The following STXBP5L variants were observed in gnomAD, a reference collection of about 807,000 sequenced individuals.
STXBP5L encodes the protein syntaxin-binding protein 5-like.
Under a neutral mutation model 144.5 loss-of-function variants are expected in STXBP5L, and 65 were observed. The observed-to-expected ratio is 0.45, with a 90% CI of 0.37 to 0.55. The LOEUF is 0.55. Among genes scored for constraint, STXBP5L ranks in the 20% least tolerant of loss-of-function variants. The probability of loss-of-function intolerance (pLI) is 0.00; values close to 1 mark genes in which losing one functional copy is unlikely to be tolerated. For synonymous variants in STXBP5L, 505 were observed against 469.6 expected (o/e 1.08, Z -0.97); for missense variants, 1,298 against 1,405.5 (o/e 0.92, Z 1.22).
intron 20 of STXBP5L, among the ~76,000 whole-genome samples, chr3:121,330,174 G>T (rs2044278313): frequency 6.6e-6 from 1 of 152,094 alleles, no homozygotes; most frequent in Non-Finnish European, 1.5e-5. Context: ...ATGGCATAGG[G>T]CATAAGCCTT....
Position 121,005,324 on chromosome 3 carries a change from C to G in STXBP5L, c.288-36376C>G, listed in dbSNP as rs555768595. On this transcript the variant is annotated intron_variant, in intron 3 of 26. Transcript: ENST00000471454. ...AATTTATCCATTTCTTCTAGATTTT[C>G]TAGTTTATTTGCATAGTGGTGTTTA... Among the ~76,000 whole-genome samples, 5 of 152,246 alleles carry G rather than the reference C, an allele frequency of 3.3e-5. No individual in the cohort carries two copies. In the East Asian group the frequency reaches 9.6e-4, roughly 29 times the overall value.
At chr3:121,334,388 C>A (rs993907783) in intron 20 of STXBP5L, among the ~76,000 whole-genome samples, 5 of 152,018 alleles carry the variant, frequency 3.3e-5, no homozygotes, top group Admixed American at 6.6e-5. Flanking sequence ...CTCTCCAACT[C>A]ATTTTTTGAG....
intron 20 of STXBP5L, among the ~76,000 whole-genome samples, chr3:121,361,871 G>T (rs944072694): frequency 1.3e-5 from 2 of 152,042 alleles, no homozygotes; most frequent in African/African-American, 2.4e-5. Context: ...TTTGGTGTGT[G>T]GGCATTGAAG....
intron 18 of STXBP5L, among the ~76,000 whole-genome samples, chr3:121,260,504 C>T (rs1321324384): frequency 6.6e-6 from 1 of 151,638 alleles, no homozygotes; most frequent in Non-Finnish European, 1.5e-5. Flanking sequence ...TTAATAAAAA[C>T]AAAAAAATTA....
At chr3:121,069,348 G>A (rs1053170918) in intron 5 of STXBP5L, among the ~76,000 whole-genome samples, 1 of 152,166 alleles carries the variant, frequency 6.6e-6, no homozygotes, top group Non-Finnish European at 1.5e-5. Flanking sequence ...TTCTTGAGTA[G>A]TATTTTACAG....
intron 3 of STXBP5L, among the ~76,000 whole-genome samples, chr3:120,981,526 T>G (rs1390493168): frequency 6.6e-6 from 1 of 152,162 alleles, no homozygotes; most frequent in Non-Finnish European, 1.5e-5. Context: ...TTTTTAGTTC[T>G]AGAAGTTCTT....
intron 9 of STXBP5L, among the ~76,000 whole-genome samples, chr3:121,177,014 C>A (rs2046963195): frequency 6.6e-6 from 1 of 151,870 alleles, no homozygotes. Context: ...ATTGGTAACT[C>A]ATTTTTTAGG....
At chr3:121,364,235 G>C (rs536645400) in intron 20 of STXBP5L, among the ~76,000 whole-genome samples, 67 of 152,218 alleles carry the variant, frequency 4.4e-4, no homozygotes, top group African/African-American at 1.5e-3. Flanking sequence ...AATGGGCTCA[G>C]TATCCTTGTC....
intron 19 of STXBP5L, among the ~76,000 whole-genome samples, chr3:121,290,611 G>A (rs900918178): frequency 6.6e-6 from 1 of 151,858 alleles, no homozygotes; most frequent in Admixed American, 6.6e-5. Flanking sequence ...CAAAAAAGAA[G>A]ACTACAGACT....
chr3:121,093,982 C>T (rs1488307546), intron 5 of STXBP5L, among the ~76,000 whole-genome samples: 4 of 152,116 alleles, frequency 2.6e-5, no homozygotes, highest in South Asian at 2.1e-4. Flanking sequence ...TCTTTGTTCT[C>T]GTTGGTTTCA....
chr3:121,005,452 A>G (rs955002792), intron 3 of STXBP5L, among the ~76,000 whole-genome samples: 3 of 151,756 alleles, frequency 2.0e-5, no homozygotes, highest in Admixed American at 2.0e-4. Flanking sequence ...TTTCTTCTTT[A>G]TTAGTCATGC....
chr3:121,085,817 C>T (rs1035052310), intron 5 of STXBP5L, among the ~76,000 whole-genome samples: 1 of 151,922 alleles, frequency 6.6e-6, no homozygotes, highest in Non-Finnish European at 1.5e-5. Flanking sequence ...TAATTAGAAA[C>T]AAATTCTTTA....
chr3:121,159,212 A>G (rs1447551296), intron 9 of STXBP5L, among the ~76,000 whole-genome samples: 1 of 151,964 alleles, frequency 6.6e-6, no homozygotes, highest in South Asian at 2.1e-4. Context: ...TTAATCATAT[A>G]TAATTTTCAT....
At chr3:121,386,309 A>G (rs922759561) in intron 22 of STXBP5L, among the ~76,000 whole-genome samples, 16 of 152,112 alleles carry the variant, frequency 1.1e-4, no homozygotes, top group Non-Finnish European at 2.2e-4. Flanking sequence ...TATAAGTGAG[A>G]ACATGTAGTT....
chr3:121,344,145 G>T (rs986470244), intron 20 of STXBP5L, among the ~76,000 whole-genome samples: 15 of 151,944 alleles, frequency 9.9e-5, no homozygotes, highest in Admixed American at 9.8e-4. Context: ...ACAAGCAATG[G>T]GGAAAGGATT....
At chr3:121,133,016 G>T (rs2045067269) in intron 7 of STXBP5L, among the ~76,000 whole-genome samples, 1 of 152,136 alleles carries the variant, frequency 6.6e-6, no homozygotes, top group Non-Finnish European at 1.5e-5. Flanking sequence ...GTGGGCCACT[G>T]TGTATTATAG....
At chr3:121,182,842 A>G (rs1231181467) in intron 9 of STXBP5L, among the ~76,000 whole-genome samples, 2 of 152,204 alleles carry the variant, frequency 1.3e-5, no homozygotes, top group Non-Finnish European at 2.9e-5. Context: ...TAGAAAAACA[A>G]AAGATCATTC....
chr3:121,397,262 C>T (rs2046754282), intron 22 of STXBP5L, among the ~76,000 whole-genome samples: 1 of 152,178 alleles, frequency 6.6e-6, no homozygotes, highest in Non-Finnish European at 1.5e-5. Context: ...GGAATTATAG[C>T]AGGAGAAGGC....
chr3:121,251,386 G>C (rs2108363634), intron 15 of STXBP5L, among the ~76,000 whole-genome samples: 1 of 152,246 alleles, frequency 6.6e-6, no homozygotes. Context: ...TCTCAATGCA[G>C]TACCCCAGAT....
Sources: allele counts gnomAD v4.1 joint callset (sites outside exome capture counted in the v4.1 genomes callset), GRCh38; gene constraint gnomAD v4.1.1; transcripts MANE v1.5; gene names NCBI Gene and HGNC (gene_info 2026-07-23, HGNC 2026-07-21).